The following ARHGAP10 variants were observed in gnomAD, a reference collection of about 807,000 sequenced individuals.
ARHGAP10 encodes rho GTPase-activating protein 10.
A neutral mutation model predicts 108.6 loss-of-function variants in ARHGAP10; 87 were observed. The ratio of observed to expected loss-of-function variants is 0.80; its 90% CI spans 0.67 to 0.96. The LOEUF (loss-of-function observed/expected upper bound fraction) is 0.96, where lower values mean the gene tolerates loss of function less well. Ranked by LOEUF, ARHGAP10 falls within the 40% of genes least tolerant of loss-of-function variation. The pLI, the probability that ARHGAP10 is intolerant of heterozygous loss-of-function variation, is 0.00. For missense variants in ARHGAP10, 939 were observed against 954.5 expected, an observed-to-expected ratio of 0.98 and a Z score of 0.21; for synonymous variants, 347 against 341.1, an observed-to-expected ratio of 1.02 and a Z score of -0.19.
chr4:147,965,152 T>C lies in ARHGAP10; in HGVS notation c.1556+23T>C, dbSNP rs765044128. 4.4e-6 allele frequency: 7 copies of C among 1,573,592 alleles called. No homozygotes were observed. In the Admixed American group the frequency reaches 7.0e-5, roughly 16 times the overall value. ...AAAGTAAGCCTCTTTTTCTTCGTTT[T>C]AACTTTCTTCACTTTGCTCTAGGTG... On this transcript the variant is annotated intron_variant, in intron 17 of 22. Coordinates refer to ENST00000336498, the MANE Select transcript of ARHGAP10 (RefSeq NM_024605.4).
At position 147,934,282 on chromosome 4, in the gene ARHGAP10, G is replaced by A. The variant is rs562137087; in HGVS notation, c.1229-5543G>A. 5.9e-5 allele frequency among the ~76,000 whole-genome samples: 9 copies of A among 152,310 alleles called. No individual in the cohort carries two copies. In the South Asian group the frequency reaches 1.7e-3, roughly 28 times the overall value. ...AGCTTGAATCTAGGAGCAAGCTTGT[G>A]GCACATCAGCCACCTGGATGTTGGT... On this transcript the variant is annotated intron_variant, in intron 13 of 22. Transcript: ENST00000336498.
chr4:147,982,365 C>CTTTTTTTTTTTTT (rs70958599), intron 18 of ARHGAP10, among the ~76,000 whole-genome samples: 11 of 124,624 alleles, frequency 8.8e-5, no homozygotes, highest in African/African-American at 2.0e-4. Context: ...TTCTTTCTTT[C>CTTTTTTTTTTTTT]TTTTTTTTTT....
At chr4:147,739,738 CT>C (rs772201824) in intron 1 of ARHGAP10, among the ~76,000 whole-genome samples, 2,867 of 137,418 alleles carry the variant, frequency 0.021, 49 homozygotes, top group African/African-American at 0.055. Context: ...ATATCTTGGG[CT>C]TTTTTTTTTT....
chr4:147,992,343 T>A (rs973839289), intron 18 of ARHGAP10, among the ~76,000 whole-genome samples: 4 of 152,176 alleles, frequency 2.6e-5, no homozygotes, highest in Non-Finnish European at 4.4e-5. Context: ...TGACCACCCC[T>A]CCCAGATCTG....
In ARHGAP10 at chr4:148,063,133, A is replaced by G. The variant is rs761441202; in HGVS notation, c.2028-15A>G. Reference sequence around the variant, plus strand: ...TTTCTGCTATTAATCCTGTCCTTCAAACTCCTACCCTTAGCCCAGGCCAGA... The same window carrying G: ...TTTCTGCTATTAATCCTGTCCTTCAGACTCCTACCCTTAGCCCAGGCCAGA... On this transcript the variant is annotated splice_polypyrimidine_tract_variant and intron_variant, in intron 20 of 22. Transcript: ENST00000336498. 32 of 1,613,616 alleles carry G rather than the reference A, an allele frequency of 2.0e-5. No individual in the cohort carries two copies. The Middle Eastern group carries it at 6.6e-4, about 33-fold the overall frequency.
chr4:147,844,728 A>G (rs1363448618), intron 3 of ARHGAP10, among the ~76,000 whole-genome samples: 2 of 152,016 alleles, frequency 1.3e-5, no homozygotes, highest in Non-Finnish European at 2.9e-5. Context: ...ATATCTCTCA[A>G]ATCTGTCTAC....
rs190296707 is a variant in ARHGAP10 at position 147,824,012 on chromosome 4, C to G, written c.312+1055C>G. ...CACCATCTATTCTCACCATTTATTT[C>G]AGGCTTAAAAAAAAACACAGATTCA... On this transcript the variant is annotated intron_variant, in intron 3 of 22. Coordinates refer to ENST00000336498, the MANE Select transcript of ARHGAP10 (RefSeq NM_024605.4). Among the ~76,000 whole-genome samples, 19 of 152,128 alleles carry G rather than the reference C, an allele frequency of 1.2e-4. No individual in the cohort carries two copies. The East Asian group carries it at 2.9e-3, about 23-fold the overall frequency.
chr4:147,764,358 G>GCT, intron 1 of ARHGAP10, among the ~76,000 whole-genome samples: 2 of 151,968 alleles, frequency 1.3e-5, no homozygotes, highest in Middle Eastern at 6.8e-3. Flanking sequence ...GGAGAGAGGT[G>GCT]GGTCAGTAAA....
chr4:147,900,631 G>C (rs1232591510), intron 10 of ARHGAP10, among the ~76,000 whole-genome samples: 2 of 152,204 alleles, frequency 1.3e-5, no homozygotes, highest in African/African-American at 2.4e-5. Flanking sequence ...GAAAATGGCA[G>C]TGTTCTCAGC....
chr4:148,049,193 T>C (rs561612628), intron 20 of ARHGAP10, among the ~76,000 whole-genome samples: 2 of 152,202 alleles, frequency 1.3e-5, no homozygotes, highest in East Asian at 3.9e-4. Flanking sequence ...GAACCTCCTG[T>C]AGGTCTCACT....
rs181121120 is a variant in ARHGAP10, at chr4:148,003,219, T to G, written c.1717-20044T>G. 8.3e-3 allele frequency among the ~76,000 whole-genome samples: 1,263 copies of G among 152,194 alleles called. 11 individuals are homozygous for G. Among genetic ancestry groups the G allele is most frequent in the African/African-American group, 0.022 (918 of 41,538 alleles). On this transcript the variant is annotated intron_variant, in intron 18 of 22. Transcript: ENST00000336498. ...GGTTGTTCAGTTTCCATGTAGTTGA[T>G]CGGTTTTGAGTGAGTTTCTTAATCC...
chr4:148,059,453 GA>G (rs1201887010), intron 20 of ARHGAP10, among the ~76,000 whole-genome samples: 7 of 151,728 alleles, frequency 4.6e-5, no homozygotes, highest in Non-Finnish European at 1.0e-4. Flanking sequence ...GGGACAACAA[GA>G]AAAAAAGGCA....
At chr4:147,867,174 C>T (rs1346448448) in intron 7 of ARHGAP10, among the ~76,000 whole-genome samples, 1 of 152,198 alleles carries the variant, frequency 6.6e-6, no homozygotes, top group Non-Finnish European at 1.5e-5. Context: ...TTTTTGTTCC[C>T]AGATAGGCTT....
rs905282185 is a variant in ARHGAP10 at position 147,754,016 on chromosome 4, C to T, written c.154+21561C>T. Among the ~76,000 whole-genome samples the T allele has an allele frequency of 2.0e-5, 3 of 152,178 alleles. No individual in the cohort carries two copies. In the East Asian group the frequency reaches 5.8e-4, roughly 29 times the overall value. On this transcript the variant is annotated intron_variant, in intron 1 of 22. Coordinates refer to ENST00000336498, the MANE Select transcript of ARHGAP10 (RefSeq NM_024605.4). Reference sequence around the variant, plus strand: ...CGTTCCTAAAAACTTTGATACCCCTCACCTTGCCTGTGTTCCAGGTTCCAG... The same window carrying T: ...CGTTCCTAAAAACTTTGATACCCCTTACCTTGCCTGTGTTCCAGGTTCCAG...
intron 18 of ARHGAP10, among the ~76,000 whole-genome samples, chr4:148,002,354 G>T (rs1478260193): frequency 6.6e-6 from 1 of 152,146 alleles, no homozygotes; most frequent in African/African-American, 2.4e-5. Context: ...TGTTCATCAG[G>T]GATATTGGTC....
chr4:147,962,713 G>T (rs958768563), intron 16 of ARHGAP10, among the ~76,000 whole-genome samples: 1 of 152,090 alleles, frequency 6.6e-6, no homozygotes, highest in Admixed American at 6.5e-5. Context: ...GTCTCTCTCT[G>T]TTGCCCAGGC....
At chr4:147,791,951 T>C (rs779734507) in intron 1 of ARHGAP10, among the ~76,000 whole-genome samples, 2 of 152,212 alleles carry the variant, frequency 1.3e-5, no homozygotes, top group Non-Finnish European at 1.5e-5. Flanking sequence ...TTTTCATTAA[T>C]GTAAATAGCA....
At chr4:147,914,692 G>C (rs1032767368) in intron 13 of ARHGAP10, among the ~76,000 whole-genome samples, 6 of 151,086 alleles carry the variant, frequency 4.0e-5, no homozygotes, top group African/African-American at 1.5e-4. Context: ...ACTTAGCTCT[G>C]TAAATTTCTG....
At chr4:147,737,930 T>A (rs899649448) in intron 1 of ARHGAP10, among the ~76,000 whole-genome samples, 1 of 152,154 alleles carries the variant, frequency 6.6e-6, no homozygotes, top group Non-Finnish European at 1.5e-5. Flanking sequence ...CAATCTAATG[T>A]TCTCAGTGTC....
Sources: gnomAD v4.1 joint callset for allele counts (sites outside exome capture counted in the v4.1 genomes callset) on GRCh38, gnomAD v4.1.1 for gene constraint, MANE v1.5 for transcripts, NCBI Gene and HGNC (gene_info 2026-07-23, HGNC 2026-07-21) for gene names.